ZNF184: variants seen among roughly 807,000 people sequenced by gnomAD.
The protein encoded by ZNF184 is zinc finger protein 184 (Kruppel-like).
A neutral mutation model predicts 54.4 loss-of-function variants in ZNF184; 16 were observed. That is an observed-to-expected ratio of 0.29 (90% CI 0.20 to 0.45). The LOEUF (loss-of-function observed/expected upper bound fraction) is 0.45. ZNF184 is among the 20% of genes least tolerant of loss of function. The pLI, the probability that ZNF184 is intolerant of heterozygous loss-of-function variation, is 1.00. For synonymous variants in ZNF184, 254 were observed against 295.3 expected (o/e 0.86, Z 1.43); for missense variants, 681 against 888.2 (o/e 0.77, Z 2.97).
At chr6:27,423,808 AT>A in the ZNF184 span, among the ~76,000 whole-genome samples, 18 of 152,338 alleles carry the variant, frequency 1.2e-4, no homozygotes, top group South Asian at 3.7e-3. Context: ...ATGTTCACAT[AT>A]TCATTTTAAA....
Position 27,451,701 on chromosome 6 carries a change from C to T in ZNF184, c.1858G>A (p.Gly620Ser), listed in dbSNP as rs1439679437. The T allele has an allele frequency of 1.2e-6, 2 of 1,613,730 alleles. No individual in the cohort carries two copies. The highest frequency in any genetic ancestry group is 1.7e-6 in the Non-Finnish European group (2 of 1,179,914). ...GATGAACAATGTCGAAAGGCTTTAC[C>T]ACACTCAGCACACTCATAAGGCTTG... ...GAKPYECAEC[G>S]KAFRHCSSLA... The change falls in exon 6 of 6, where the codon GGT (glycine) becomes AGT (serine). Residue 620 changes from glycine to serine, a missense_variant. Coordinates refer to ENST00000683788, the MANE Select transcript of ZNF184 (RefSeq NM_001318891.2).
chr6:27,440,062 C>T, the ZNF184 span, among the ~76,000 whole-genome samples: 1 of 152,162 alleles, frequency 6.6e-6, no homozygotes, highest in Non-Finnish European at 1.5e-5. Flanking sequence ...ACTATCAAAA[C>T]TCATGTATCC....
the ZNF184 span, among the ~76,000 whole-genome samples, chr6:27,439,243 C>T: frequency 0.048 from 7,317 of 152,314 alleles, 256 homozygotes; most frequent in Non-Finnish European, 0.072. Context: ...AGCCCCTGCA[C>T]TATCTGTAGT....
chr6:27,416,522 C>A, the ZNF184 span, among the ~76,000 whole-genome samples: 1 of 152,186 alleles, frequency 6.6e-6, no homozygotes, highest in Admixed American at 6.5e-5. Context: ...AATATCCTAA[C>A]AACCATGAGA....
chr6:27,452,717 T>A lies in ZNF184; in HGVS notation c.842A>T (p.Asp281Val), dbSNP rs372116243. ...IHTGDKPYKC[D>V]QCGKGFIEGP... ...CTCAATGAAGCCTTTTCCACACTGA[T>A]CACATTTATATGGTTTATCTCCAGT... The change falls in exon 6 of 6, where the codon GAT (aspartate) becomes GTT (valine). Residue 281 changes from aspartate to valine, a missense_variant. By Grantham distance (152) the Asp-to-Val change is radical. Coordinates refer to ENST00000683788, the MANE Select transcript of ZNF184 (RefSeq NM_001318891.2). This position sits in a 1 kb window ranked among gnomAD's most constrained non-coding sequence, Gnocchi z 5.5. 5.0e-6 allele frequency: 8 copies of A among 1,614,062 alleles called. No individual in the cohort carries two copies. The highest frequency in any genetic ancestry group is 6.8e-6 in the Non-Finnish European group (8 of 1,180,038).
chr6:27,462,346 C>T (rs985590815), intron 3 of ZNF184, among the ~76,000 whole-genome samples: 1 of 151,644 alleles, frequency 6.6e-6, no homozygotes, highest in East Asian at 2.0e-4. Flanking sequence ...CGCAGGTGCC[C>T]GCCACCACAC....
intron 5 of ZNF184, among the ~76,000 whole-genome samples, chr6:27,454,805 A>G (rs1043887085): frequency 4.6e-5 from 7 of 152,256 alleles, no homozygotes; most frequent in African/African-American, 1.7e-4. Context: ...TTGCAGAAGC[A>G]ATTCTCCCTT....
chr6:27,422,153 A>AAG, the ZNF184 span, among the ~76,000 whole-genome samples: 34 of 23,604 alleles, frequency 1.4e-3, 2 homozygotes, highest in Non-Finnish European at 1.7e-4. Flanking sequence ...AAAAAAAAAG[A>AAG]AAGAAAGAAA....
the ZNF184 span, among the ~76,000 whole-genome samples, chr6:27,430,924 G>GA: frequency 1.3e-5 from 2 of 152,186 alleles, no homozygotes; most frequent in Non-Finnish European, 2.9e-5. Context: ...TCTGCCAAGA[G>GA]ATGCAGTGAA....
intron 3 of ZNF184, among the ~76,000 whole-genome samples, chr6:27,459,407 C>T (rs1301306011): frequency 6.6e-6 from 1 of 151,768 alleles, no homozygotes; most frequent in African/African-American, 2.4e-5. Context: ...AGATCAACTA[C>T]CCACAACAAT....
chr6:27,429,892 T>C, the ZNF184 span, among the ~76,000 whole-genome samples: 1 of 152,196 alleles, frequency 6.6e-6, no homozygotes, highest in African/African-American at 2.4e-5. Flanking sequence ...TACAAGTTTT[T>C]TGTGGCACAG....
chr6:27,404,325 A>G, the ZNF184 span: 7 of 152,378 alleles, frequency 4.6e-5, no homozygotes, highest in African/African-American at 1.7e-4. Context: ...ATGTAATTAT[A>G]CAATGTCTTT....
Position 27,452,450 on chromosome 6 carries a change from G to A in ZNF184, c.1109C>T (p.Thr370Ile). The A allele has an allele frequency of 6.2e-7, 1 of 1,614,036 alleles. No homozygotes were observed. The highest frequency in any genetic ancestry group is 8.5e-7 in the Non-Finnish European group (1 of 1,179,994). The change falls in exon 6 of 6, where the codon ACC becomes ATC. Residue 370 changes from threonine to isoleucine, a missense_variant. Thr to Ile is a moderately conservative substitution (Grantham distance 89, BLOSUM62 -1). Coordinates refer to ENST00000683788, the MANE Select transcript of ZNF184 (RefSeq NM_001318891.2). The surrounding 1 kb of genome is among the most constrained non-coding windows in gnomAD (Gnocchi z 5.5). ...KPFKCDECDKTFTRSTHLTQH... is the reference protein window; with the variant it reads ...KPFKCDECDKIFTRSTHLTQH... ...AGTAAGGTGTGTGCTCCTGGTGAAG[G>A]TTTTATCACATTCATCACATTTAAA...
At chr6:27,433,969 C>CATCCCTTCCTTCCTTCCTTCCT in the ZNF184 span, among the ~76,000 whole-genome samples, 1 of 117,818 alleles carries the variant, frequency 8.5e-6, no homozygotes, top group Non-Finnish European at 1.9e-5. Context: ...CCTTCCTCTC[C>CATCCCTTCCTTCCTTCCTTCCT]CTCCCTTCCT....
intron 3 of ZNF184, among the ~76,000 whole-genome samples, chr6:27,463,827 TAA>T (rs1763059213): frequency 6.6e-6 from 1 of 151,404 alleles, no homozygotes; most frequent in Admixed American, 6.6e-5. Context: ...AAAGGCAAAA[TAA>T]AGACTTCTTT....
At chr6:27,438,932 A>T in the ZNF184 span, among the ~76,000 whole-genome samples, 2 of 152,130 alleles carry the variant, frequency 1.3e-5, no homozygotes, top group African/African-American at 4.8e-5. Context: ...TAAAAGCTTC[A>T]CTATTATTTT....
chr6:27,424,011 C>G, the ZNF184 span, among the ~76,000 whole-genome samples: 3 of 152,162 alleles, frequency 2.0e-5, no homozygotes, highest in Non-Finnish European at 4.4e-5. Context: ...TCACTGACTT[C>G]AAGAATGAAG....
chr6:27,436,109 A>G, the ZNF184 span, among the ~76,000 whole-genome samples: 1 of 151,768 alleles, frequency 6.6e-6, no homozygotes, highest in Non-Finnish European at 1.5e-5. Flanking sequence ...TTTTTTATGT[A>G]TGGTTTTTAT....
Position 27,453,725 on chromosome 6 carries a change from AT to A in ZNF184, c.299-466del, listed in dbSNP as rs1486291258. Among the ~76,000 whole-genome samples the A allele has an allele frequency of 6.6e-5, 10 of 152,242 alleles. No homozygotes were observed. The highest frequency in any genetic ancestry group is 1.3e-4 in the Non-Finnish European group (9 of 68,040). On this transcript the variant is annotated intron_variant, in intron 5 of 5. Coordinates refer to ENST00000683788, the MANE Select transcript of ZNF184 (RefSeq NM_001318891.2). The surrounding 1 kb of genome is among the most constrained non-coding windows in gnomAD (Gnocchi z 4.7). ...CCTGGAACACTGAAGAAATAATCAC[AT>A]CATTGCTAGATATGGGAAGAGTTGT... is the stretch of plus-strand genomic sequence containing the variant.
Sources: gnomAD v4.1 joint callset for allele counts (sites outside exome capture counted in the v4.1 genomes callset) on GRCh38, gnomAD v4.1.1 for gene constraint, Gnocchi (gnomAD v3.1) non-coding constraint, MANE v1.5 for transcripts, NCBI Gene and HGNC (gene_info 2026-07-23, HGNC 2026-07-21) for gene names.